Variants in PARD3 observed in about 807,000 individuals in gnomAD.
PARD3 encodes the protein par-3 family cell polarity regulator.
PARD3 carries 75 observed loss-of-function variants against 155.4 expected under a neutral mutation model. That is an observed-to-expected ratio of 0.48 (90% confidence interval 0.40 to 0.58). The LOEUF (loss-of-function observed/expected upper bound fraction) is 0.58, where lower values mean the gene tolerates loss of function less well. Among genes scored for constraint, PARD3 ranks in the 20% least tolerant of loss-of-function variants. PARD3 has a pLI of 0.00. For missense variants in PARD3, 1,642 were observed against 1,721.7 expected (o/e 0.95, Z 0.82); for synonymous variants, 576 against 610.5 (o/e 0.94, Z 0.83).
chr10:34,605,668 A>C (rs1371003072), intron 2 of PARD3, among the ~76,000 whole-genome samples: 1 of 93,948 alleles, frequency 1.1e-5, no homozygotes. Context: ...CTATATATAT[A>C]TCTCCTATAT....
At chr10:34,487,720 G>A (rs558488095) in intron 3 of PARD3, among the ~76,000 whole-genome samples, 1 of 152,008 alleles carries the variant, frequency 6.6e-6, no homozygotes, top group East Asian at 1.9e-4. Flanking sequence ...ATCTGAGTGG[G>A]AGTCAATCTA....
At chr10:34,713,975 C>T (rs2094482893) in intron 1 of PARD3, among the ~76,000 whole-genome samples, 1 of 152,062 alleles carries the variant, frequency 6.6e-6, no homozygotes, top group Non-Finnish European at 1.5e-5. Flanking sequence ...AAACAACCAA[C>T]CTGGAAGAAC....
chr10:34,736,661 T>A (rs61240130), intron 1 of PARD3, among the ~76,000 whole-genome samples: 32,147 of 139,792 alleles, frequency 0.23, 3,586 homozygotes, highest in South Asian at 0.27. Context: ...TTAATTTATT[T>A]ATTTATTTAT....
At chr10:34,814,581 G>C (rs967156322) in intron 1 of PARD3, among the ~76,000 whole-genome samples, 4 of 151,964 alleles carry the variant, frequency 2.6e-5, no homozygotes, top group Non-Finnish European at 5.9e-5. Flanking sequence ...GCCCAGGGCC[G>C]GCCTATGCGC....
chr10:34,519,005 T>A (rs1473455135), intron 2 of PARD3, among the ~76,000 whole-genome samples: 1 of 152,188 alleles, frequency 6.6e-6, no homozygotes, highest in African/African-American at 2.4e-5. Flanking sequence ...ACTTTTGTGG[T>A]ATTCTTGCCA....
At chr10:34,539,652 C>G (rs144911409) in intron 2 of PARD3, among the ~76,000 whole-genome samples, 38 of 152,334 alleles carry the variant, frequency 2.5e-4, no homozygotes, top group African/African-American at 9.1e-4. Flanking sequence ...CACAGCGAGA[C>G]TCCGTCTCAA....
chr10:34,569,105 A>G (rs535909399), intron 2 of PARD3, among the ~76,000 whole-genome samples: 74 of 152,352 alleles, frequency 4.9e-4, no homozygotes, highest in African/African-American at 1.7e-3. Flanking sequence ...CTTCAGAAGC[A>G]AATCACTGTG....
chr10:34,450,263 G>A (rs774175294), intron 5 of PARD3, 54 bp downstream of exon 5: 27 of 1,518,704 alleles, frequency 1.8e-5, no homozygotes, highest in Non-Finnish European at 2.3e-5. Context: ...CATCTTTGGG[G>A]TATGGGACAG....
Position 34,708,118 on chromosome 10 carries a change from CAT to C in PARD3, c.121-11701_121-11700del, listed in dbSNP as rs2094394473. Among the ~76,000 whole-genome samples, 6 of 152,284 alleles carry C rather than the reference CAT, an allele frequency of 3.9e-5. No homozygotes were observed. The South Asian group carries it at 1.2e-3, about 32-fold the overall frequency. The stretch of plus-strand genomic sequence containing the variant: ...TCCTCCTGATTGAACCTAATCAAAA[CAT>C]AGCCTCACTTCTTCTTTACAGGAAA... On this transcript the variant is annotated intron_variant, in intron 1 of 24. Coordinates refer to ENST00000374788, the MANE Select transcript of PARD3 (RefSeq NM_001184785.2).
intron 22 of PARD3, among the ~76,000 whole-genome samples, chr10:34,153,611 T>C (rs1299044319): frequency 1.3e-5 from 2 of 152,186 alleles, no homozygotes; most frequent in Non-Finnish European, 2.9e-5. Flanking sequence ...ATAACTCCAT[T>C]GTCCACACTG....
At chr10:34,668,167 T>C (rs1014226376) in intron 2 of PARD3, among the ~76,000 whole-genome samples, 1 of 152,142 alleles carries the variant, frequency 6.6e-6, no homozygotes, top group African/African-American at 2.4e-5. Context: ...CAACTACAAA[T>C]GAAAACCATC....
chr10:34,814,189 T>A (rs974861950), intron 1 of PARD3, among the ~76,000 whole-genome samples: 5 of 152,082 alleles, frequency 3.3e-5, no homozygotes, highest in African/African-American at 9.7e-5. Context: ...ATCAGCTCAG[T>A]AAATGCTCGC....
intron 1 of PARD3, among the ~76,000 whole-genome samples, chr10:34,699,761 G>C (rs1216246472): frequency 1.3e-5 from 2 of 152,158 alleles, no homozygotes; most frequent in East Asian, 3.9e-4. Context: ...TGCAGTCCCA[G>C]CTAATTGGGA....
At chr10:34,372,591 C>T (rs1840802337) in intron 11 of PARD3, 55 bp from the exon 12 acceptor site, 4 of 1,166,922 alleles carry the variant, frequency 3.4e-6, no homozygotes, top group African/African-American at 1.5e-5. Flanking sequence ...ATCTTCAACA[C>T]ACAGGGACAC....
chr10:34,387,024 C>T (rs1265131355), intron 7 of PARD3, among the ~76,000 whole-genome samples: 1 of 152,066 alleles, frequency 6.6e-6, no homozygotes, highest in Non-Finnish European at 1.5e-5. Flanking sequence ...ATGTGAGGTG[C>T]CACAGCTGTA....
chr10:34,679,277 C>T (rs898196695), intron 2 of PARD3, among the ~76,000 whole-genome samples: 7 of 152,262 alleles, frequency 4.6e-5, no homozygotes, highest in East Asian at 1.9e-4. Flanking sequence ...AAACCAGCTA[C>T]GCCTCAACTG....
intron 2 of PARD3, among the ~76,000 whole-genome samples, chr10:34,525,724 GAAAA>G (rs536628916): frequency 6.8e-6 from 1 of 147,206 alleles, no homozygotes; most frequent in Admixed American, 6.8e-5. Flanking sequence ...TTGCTTAAAA[GAAAA>G]AAAAAAGATT....
At chr10:34,504,231 C>T (rs954462282) in intron 3 of PARD3, among the ~76,000 whole-genome samples, 6 of 151,766 alleles carry the variant, frequency 4.0e-5, no homozygotes, top group Non-Finnish European at 8.8e-5. Context: ...TTGGTTCAAA[C>T]GAGCCACTTG....
In PARD3 at chr10:34,348,004, C is replaced by A; in HGVS notation, c.2179G>T (p.Glu727Ter). The change falls in exon 15 of 25, where the codon GAA becomes TAA. Residue 727 changes from glutamate (E) to a stop codon, truncating the protein, a stop_gained. Coordinates refer to ENST00000374788, the MANE Select transcript of PARD3 (RefSeq NM_001184785.2). LOFTEE classifies it high-confidence loss of function. ...SLYSGIEGLD[E>*]SPSRNAALSR... ...AGGGCAGCATTTCTGCTGGGCGATTCATCAAGCCCCTCAATCCCACTGTAG... is the reference window on the plus strand; with the variant it reads ...AGGGCAGCATTTCTGCTGGGCGATTAATCAAGCCCCTCAATCCCACTGTAG... The A allele has an allele frequency of 6.2e-7, 1 of 1,613,580 alleles. No homozygotes were observed. The highest frequency in any genetic ancestry group is 8.5e-7 in the Non-Finnish European group (1 of 1,179,764).
Sources: allele counts gnomAD v4.1 joint callset (sites outside exome capture counted in the v4.1 genomes callset), GRCh38; gene constraint gnomAD v4.1.1; transcripts MANE v1.5; gene names NCBI Gene and HGNC (gene_info 2026-07-23, HGNC 2026-07-21).